The following NPAS3 variants were observed in gnomAD, a reference collection of about 807,000 sequenced individuals.
NPAS3 encodes the protein neuronal PAS domain protein 3.
A neutral mutation model predicts 73.1 loss-of-function variants in NPAS3; 14 were observed. The observed-to-expected ratio is 0.19, with a 90% CI of 0.13 to 0.30. The LOEUF (loss-of-function observed/expected upper bound fraction) is 0.30. Ranked by LOEUF, NPAS3 falls within the 10% of genes least tolerant of loss-of-function variation. The pLI, the probability that NPAS3 is intolerant of heterozygous loss-of-function variation, is 1.00. For synonymous variants in NPAS3, 620 were observed against 541.5 expected (o/e 1.14, Z -2.01); for missense variants, 1,096 against 1,250.0 (o/e 0.88, Z 1.86).
At chr14:33,423,564 T>C (rs536354811) in intron 4 of NPAS3, among the ~76,000 whole-genome samples, 32 of 152,022 alleles carry the variant, frequency 2.1e-4, no homozygotes, top group Non-Finnish European at 4.0e-4. Context: ...CATGTATGTA[T>C]ATATATCATG....
intron 1 of NPAS3, among the ~76,000 whole-genome samples, chr14:33,002,190 G>C (rs61980344): frequency 0.72 from 109,214 of 152,084 alleles, 40,716 homozygotes; most frequent in Middle Eastern, 0.87. Context: ...TGCATGTTTT[G>C]TTTCTTCATG....
chr14:33,070,056 T>G (rs1357279972), intron 2 of NPAS3, among the ~76,000 whole-genome samples: 1 of 152,166 alleles, frequency 6.6e-6, no homozygotes, highest in South Asian at 2.1e-4. Context: ...AAAAGATCAA[T>G]GTTTTCTTAT....
intron 3 of NPAS3, among the ~76,000 whole-genome samples, chr14:33,271,267 GGTCTTAAGTCCTACA>G (rs1327669850): frequency 6.6e-6 from 1 of 152,130 alleles, no homozygotes; most frequent in Non-Finnish European, 1.5e-5. Context: ...TTGGAATGAG[GGTCTTAAGTCCTACA>G]GTCAAACGGG....
At position 32,984,701 on chromosome 14, in the gene NPAS3, A is replaced by G. The variant is rs1011767009; in HGVS notation, c.50+45335A>G. Reference sequence around the variant, plus strand: ...GTTTTTTAGAGATGGAAACTCCTTAAAAAAACACAGTGGAACCGAAATAAT... The same window carrying G: ...GTTTTTTAGAGATGGAAACTCCTTAGAAAAACACAGTGGAACCGAAATAAT... On this transcript the variant is annotated intron_variant, in intron 1 of 11. Transcript: ENST00000356141. Among the ~76,000 whole-genome samples the G allele has an allele frequency of 2.0e-5, 3 of 152,210 alleles. No individual in the cohort carries two copies. In the East Asian group the frequency reaches 5.8e-4, roughly 29 times the overall value.
intron 4 of NPAS3, among the ~76,000 whole-genome samples, chr14:33,450,414 TC>T (rs1482558721): frequency 6.6e-6 from 1 of 152,220 alleles, no homozygotes; most frequent in Non-Finnish European, 1.5e-5. Flanking sequence ...TAATCCATAA[TC>T]GTAGCACCTA....
intron 2 of NPAS3, among the ~76,000 whole-genome samples, chr14:33,205,422 G>A (rs896543381): frequency 2.0e-5 from 3 of 152,050 alleles, no homozygotes; most frequent in African/African-American, 7.2e-5. Context: ...AAGTTAGCAT[G>A]GGCCTAAAGT....
chr14:33,457,199 T>C (rs1344871511), intron 4 of NPAS3, among the ~76,000 whole-genome samples: 1 of 152,224 alleles, frequency 6.6e-6, no homozygotes, highest in Non-Finnish European at 1.5e-5. Context: ...AAGTGTTCTG[T>C]ATCCTGGATA....
At chr14:33,656,685 A>C (rs7156388) in intron 5 of NPAS3, among the ~76,000 whole-genome samples, 63,420 of 151,746 alleles carry the variant, frequency 0.42, 13,406 homozygotes, top group Non-Finnish European at 0.45. Context: ...TAGAGTTTAC[A>C]TCTCTTTTCA....
At chr14:33,441,577 T>C (rs1371041640) in intron 4 of NPAS3, among the ~76,000 whole-genome samples, 1 of 152,238 alleles carries the variant, frequency 6.6e-6, no homozygotes, top group Non-Finnish European at 1.5e-5. Context: ...TATTCGCATT[T>C]TAAAAACTGT....
At chr14:33,544,962 T>C (rs1174077068) in intron 4 of NPAS3, among the ~76,000 whole-genome samples, 3 of 150,272 alleles carry the variant, frequency 2.0e-5, no homozygotes, top group African/African-American at 7.4e-5. Flanking sequence ...AAATCATTTT[T>C]CTCCTATGTC....
chr14:33,343,325 C>T (rs774012724), intron 3 of NPAS3, among the ~76,000 whole-genome samples: 8 of 152,184 alleles, frequency 5.3e-5, no homozygotes, highest in Non-Finnish European at 1.2e-4. Flanking sequence ...AACATTACAG[C>T]ATAACTGTTT....
At chr14:33,112,104 A>G (rs1420889270) in intron 2 of NPAS3, among the ~76,000 whole-genome samples, 1 of 152,078 alleles carries the variant, frequency 6.6e-6, no homozygotes, top group Non-Finnish European at 1.5e-5. Flanking sequence ...AGTCTTTGCT[A>G]TTGTGAATAG....
chr14:33,564,479 G>T (rs1595164748), intron 5 of NPAS3, among the ~76,000 whole-genome samples: 1 of 152,334 alleles, frequency 6.6e-6, no homozygotes, highest in Non-Finnish European at 1.5e-5. Flanking sequence ...GCAGGCAGAA[G>T]CCCATTCCCC....
rs59258926 is a variant in NPAS3, at chr14:33,363,949, T to TGTGTGA, written c.386-3237_386-3236insGTGTGA. Among the ~76,000 whole-genome samples, 3 of 46,032 alleles carry TGTGTGA rather than the reference T, an allele frequency of 6.5e-5. No homozygotes were observed. In the Admixed American group the frequency reaches 6.8e-4, roughly 10 times the overall value. The allele number at this position is 46,032 out of a possible 152,430, so 30.2% of individuals were successfully genotyped here. On this transcript the variant is annotated intron_variant, in intron 3 of 11. Coordinates refer to ENST00000356141, the Ensembl canonical transcript of NPAS3. The stretch of plus-strand genomic sequence containing the variant: ...GTGTGTGTGTGTGTGTGTGTGTGTG[T>TGTGTGA]TGTGTGTGTGTGTATAGGTTAATTT...
In NPAS3 at chr14:33,597,484, G is replaced by A. The variant is rs541709639; in HGVS notation, c.558+37274G>A. 2.0e-4 allele frequency among the ~76,000 whole-genome samples: 30 copies of A among 152,334 alleles called. No homozygotes were observed. In the South Asian group the frequency reaches 6.0e-3, roughly 30 times the overall value. ...AAAGTAAATATATCCATTCATAAGA[G>A]AAGAAAACTAAAAATGTCTCATGGC... On this transcript the variant is annotated intron_variant, in intron 5 of 11. Transcript: ENST00000356141.
chr14:33,520,164 C>A (rs1471323543), intron 4 of NPAS3, among the ~76,000 whole-genome samples: 1 of 152,136 alleles, frequency 6.6e-6, no homozygotes, highest in African/African-American at 2.4e-5. Context: ...GGGTGAAGCT[C>A]TGAGCTACCA....
At chr14:32,961,446 T>C (rs2036915274) in intron 1 of NPAS3, among the ~76,000 whole-genome samples, 1 of 150,904 alleles carries the variant, frequency 6.6e-6, no homozygotes, top group Non-Finnish European at 1.5e-5. Context: ...ATTGAATTCA[T>C]ATCGGATTGT....
intron 4 of NPAS3, among the ~76,000 whole-genome samples, chr14:33,526,034 C>T (rs1048112337): frequency 1.3e-5 from 2 of 152,062 alleles, no homozygotes; most frequent in Admixed American, 1.3e-4. Flanking sequence ...ATTTCAGCAA[C>T]CTAGAAAAGA....
intron 4 of NPAS3, among the ~76,000 whole-genome samples, chr14:33,432,663 C>CT (rs1420479962): frequency 6.6e-6 from 1 of 152,066 alleles, no homozygotes; most frequent in Non-Finnish European, 1.5e-5. Flanking sequence ...GATTTATAGG[C>CT]TATAGTTAAT....
Sources: gnomAD v4.1 joint callset for allele counts (sites outside exome capture counted in the v4.1 genomes callset) on GRCh38, gnomAD v4.1.1 for gene constraint, MANE v1.5 for transcripts, NCBI Gene and HGNC (gene_info 2026-07-23, HGNC 2026-07-21) for gene names.